The following SLCO1B3 variants were observed in gnomAD, a reference collection of about 807,000 sequenced individuals.
SLCO1B3 encodes solute carrier organic anion transporter family member 1B3.
In SLCO1B3, 72 loss-of-function variants were observed where a neutral mutation model predicts 71.8. The observed-to-expected ratio is 1.00, with a 90% confidence interval of 0.83 to 1.22. SLCO1B3 has a LOEUF of 1.22. Ranked by LOEUF, SLCO1B3 falls within the 50% of genes most tolerant of loss-of-function variation. The pLI is 0.00. For missense variants in SLCO1B3, 911 were observed against 819.7 expected, an observed-to-expected ratio of 1.11 and a Z score of -1.36; for synonymous variants, 298 against 278.4, an observed-to-expected ratio of 1.07 and a Z score of -0.70.
intron 3 of SLCO1B3, among the ~76,000 whole-genome samples, chr12:20,831,356 C>CAAAAAAAAA (rs35410136): frequency 7.7e-5 from 7 of 91,206 alleles, no homozygotes; most frequent in Non-Finnish European, 1.5e-4. Context: ...GACGCCATAT[C>CAAAAAAAAA]AAAAAAAAAA....
intron 8 of SLCO1B3, among the ~76,000 whole-genome samples, chr12:20,874,581 T>C (rs929358152): frequency 6.6e-6 from 1 of 152,228 alleles, no homozygotes; most frequent in African/African-American, 2.4e-5. Flanking sequence ...ATTTGAGATA[T>C]AGCATTTACA....
chr12:20,866,766 G>A (rs1267859127), intron 8 of SLCO1B3, among the ~76,000 whole-genome samples: 1 of 152,068 alleles, frequency 6.6e-6, no homozygotes, highest in Non-Finnish European at 1.5e-5. Context: ...TATTAATGAG[G>A]AAGATAAGTG....
chr12:20,834,644 G>C (rs916760588), intron 3 of SLCO1B3, among the ~76,000 whole-genome samples: 6 of 151,960 alleles, frequency 3.9e-5, no homozygotes, highest in Non-Finnish European at 8.8e-5. Flanking sequence ...TGCTCAGTGT[G>C]TATAAGCTGA....
At chr12:20,820,516 A>C (rs1239206372) in intron 3 of SLCO1B3, among the ~76,000 whole-genome samples, 1 of 152,200 alleles carries the variant, frequency 6.6e-6, no homozygotes, top group Non-Finnish European at 1.5e-5. Flanking sequence ...ACTGAGGTTC[A>C]GGCGTTTGGA....
At chr12:20,849,634 T>C (rs1864982188) in intron 3 of SLCO1B3, among the ~76,000 whole-genome samples, 1 of 151,912 alleles carries the variant, frequency 6.6e-6, no homozygotes, top group African/African-American at 2.4e-5. Context: ...AACATAATTA[T>C]ATGTAAAGAG....
At chr12:20,869,296 A>G (rs925841789) in intron 8 of SLCO1B3, among the ~76,000 whole-genome samples, 1 of 152,232 alleles carries the variant, frequency 6.6e-6, no homozygotes, top group Non-Finnish European at 1.5e-5. Flanking sequence ...CTGTGTGGGC[A>G]TAACAGAAGG....
At chr12:20,850,404 T>C (rs1164996424) in intron 3 of SLCO1B3, among the ~76,000 whole-genome samples, 2 of 151,850 alleles carry the variant, frequency 1.3e-5, no homozygotes, top group East Asian at 2.0e-4. Context: ...CTCAGCCTCC[T>C]GAGTAGCTGG....
intron 3 of SLCO1B3, among the ~76,000 whole-genome samples, chr12:20,830,791 T>A (rs1864523586): frequency 6.6e-6 from 1 of 152,230 alleles, no homozygotes; most frequent in Non-Finnish European, 1.5e-5. Context: ...ATGAAATATT[T>A]GAATAATATT....
At chr12:20,826,214 GACCTTTAA>G (rs1864417603) in intron 3 of SLCO1B3, among the ~76,000 whole-genome samples, 3 of 111,270 alleles carry the variant, frequency 2.7e-5, no homozygotes, top group African/African-American at 9.6e-5. Flanking sequence ...ATTTTATTTA[GACCTTTAA>G]GGTAAAACTT....
intron 3 of SLCO1B3, among the ~76,000 whole-genome samples, chr12:20,823,855 A>G (rs537786373): frequency 5.9e-5 from 9 of 152,300 alleles, no homozygotes; most frequent in African/African-American, 1.9e-4. Context: ...CCTGTAAAGG[A>G]TAAGATATGG....
chr12:20,811,032 TC>T (rs1864102001), intron 1 of SLCO1B3, among the ~76,000 whole-genome samples: 1 of 152,194 alleles, frequency 6.6e-6, no homozygotes, highest in African/African-American at 2.4e-5. Context: ...TCTATTGCTT[TC>T]TAAACAAATG....
chr12:20,854,078 A>G (rs1301400936), intron 3 of SLCO1B3, among the ~76,000 whole-genome samples: 1 of 152,144 alleles, frequency 6.6e-6, no homozygotes, highest in Non-Finnish European at 1.5e-5. Flanking sequence ...GATACTTAAT[A>G]TAATTACAAC....
At chr12:20,825,821 G>GA (rs1184815703) in intron 3 of SLCO1B3, among the ~76,000 whole-genome samples, 2 of 138,282 alleles carry the variant, frequency 1.4e-5, no homozygotes, top group African/African-American at 5.5e-5. Context: ...AAAAAAGAAA[G>GA]AAAGAAGAAA....
rs1047458276 is a variant in SLCO1B3 at position 20,811,971 on chromosome 12, G to T, written c.-181+1207G>T. On this transcript the variant is annotated intron_variant, in intron 1 of 15. Transcript: ENST00000381545. ...TGCCCAGGCTGGAGTGCAATGGCGT[G>T]ATTTCAGCTCACCACAACCTCAGCC... Among the ~76,000 whole-genome samples, 3 of 142,510 alleles carry T rather than the reference G, an allele frequency of 2.1e-5. No individual in the cohort carries two copies. In the East Asian group the frequency reaches 6.3e-4, roughly 30 times the overall value. The allele number at this position is 142,510 out of a possible 152,430, so 93.5% of individuals were successfully genotyped here. A position where few individuals can be genotyped will look rare whatever the true frequency, so the allele number is the denominator to read the frequency against.
At chr12:20,833,791 T>G (rs1230516862) in intron 3 of SLCO1B3, among the ~76,000 whole-genome samples, 1 of 147,664 alleles carries the variant, frequency 6.8e-6, no homozygotes, top group East Asian at 2.0e-4. Flanking sequence ...TCTCTCTATT[T>G]CATAAAGTGT....
intron 9 of SLCO1B3, 149 bp downstream of exon 9, chr12:20,875,626 A>G (rs1865566942): frequency 2.4e-6 from 2 of 833,050 alleles, no homozygotes; most frequent in Admixed American, 3.2e-5. Flanking sequence ...TAAAACTCCT[A>G]TTAAAATTAA....
At chr12:20,910,362 G>A (rs905987057) in intron 15 of SLCO1B3, among the ~76,000 whole-genome samples, 3 of 152,160 alleles carry the variant, frequency 2.0e-5, no homozygotes. Flanking sequence ...TAGCTTCATA[G>A]TAAGTCTTGA....
chr12:20,828,221 G>C (rs1317450493), intron 3 of SLCO1B3, among the ~76,000 whole-genome samples: 1 of 147,578 alleles, frequency 6.8e-6, no homozygotes, highest in African/African-American at 2.5e-5. Flanking sequence ...TGGCTACAAA[G>C]ACATTTCTCT....
At chr12:20,816,345 C>G (rs1269927611) in intron 3 of SLCO1B3, among the ~76,000 whole-genome samples, 1 of 152,086 alleles carries the variant, frequency 6.6e-6, no homozygotes, top group Non-Finnish European at 1.5e-5. Context: ...CTTCCTACCC[C>G]CACACCCCCA....
Sources: allele counts gnomAD v4.1 joint callset (sites outside exome capture counted in the v4.1 genomes callset), GRCh38; gene constraint gnomAD v4.1.1; transcripts MANE v1.5; gene names NCBI Gene and HGNC (gene_info 2026-07-23, HGNC 2026-07-21).